The following CAMK1D variants were observed in gnomAD, a reference collection of about 807,000 sequenced individuals.
CAMK1D encodes calcium/calmodulin dependent protein kinase ID.
CAMK1D carries 9 observed loss-of-function variants against 47.7 expected under a neutral mutation model. The observed-to-expected ratio is 0.19, with a 90% CI of 0.11 to 0.33. The LOEUF (loss-of-function observed/expected upper bound fraction) is 0.33, where lower values mean the gene tolerates loss of function less well. CAMK1D is among the 10% of genes least tolerant of loss of function. CAMK1D has a pLI of 1.00. For synonymous variants in CAMK1D, 184 were observed against 184.9 expected, an observed-to-expected ratio of 0.99 and a Z score of 0.04; for missense variants, 291 against 488.7, an observed-to-expected ratio of 0.60 and a Z score of 3.81.
chr10:12,615,293 A>G (rs145846511), intron 2 of CAMK1D, among the ~76,000 whole-genome samples: 2 of 152,290 alleles, frequency 1.3e-5, no homozygotes, highest in East Asian at 1.9e-4. Flanking sequence ...CTCGATTAAG[A>G]TTTGTTGCAT....
chr10:12,792,393 G>C (rs1456088523), intron 6 of CAMK1D, among the ~76,000 whole-genome samples: 1 of 152,022 alleles, frequency 6.6e-6, no homozygotes, highest in East Asian at 1.9e-4. Context: ...ATACTTTTAG[G>C]GTAGGCTTAG....
At chr10:12,528,736 C>CTTTTTTTTT (rs34250007) in intron 1 of CAMK1D, among the ~76,000 whole-genome samples, 5 of 137,908 alleles carry the variant, frequency 3.6e-5, no homozygotes, top group Non-Finnish European at 6.2e-5. Context: ...AAATCCTCAT[C>CTTTTTTTTT]TTTTTTTTTT....
At chr10:12,756,136 A>C (rs570367475) in intron 3 of CAMK1D, among the ~76,000 whole-genome samples, 1 of 152,312 alleles carries the variant, frequency 6.6e-6, no homozygotes, top group South Asian at 2.1e-4. Context: ...ATATCATTTT[A>C]TTACATCTAG....
intron 2 of CAMK1D, among the ~76,000 whole-genome samples, chr10:12,620,356 G>A (rs79955991): frequency 0.056 from 8,510 of 152,278 alleles, 300 homozygotes; most frequent in Non-Finnish European, 0.075. Flanking sequence ...GTTTGGCACC[G>A]TGTAGCTGTG....
intron 3 of CAMK1D, among the ~76,000 whole-genome samples, chr10:12,675,637 TC>T (rs1210188141): frequency 6.6e-6 from 1 of 152,188 alleles, no homozygotes; most frequent in African/African-American, 2.4e-5. Flanking sequence ...ACATCTTTCT[TC>T]CCCCAGTCCT....
intron 2 of CAMK1D, among the ~76,000 whole-genome samples, chr10:12,571,878 A>G (rs932119708): frequency 6.6e-6 from 1 of 150,628 alleles, no homozygotes; most frequent in African/African-American, 2.4e-5. Context: ...AAGGAAAACA[A>G]CAGGTATTCC....
At chr10:12,372,748 C>T (rs1243470549) in intron 1 of CAMK1D, among the ~76,000 whole-genome samples, 1 of 150,690 alleles carries the variant, frequency 6.6e-6, no homozygotes, top group Non-Finnish European at 1.5e-5. Context: ...CACACCTCAG[C>T]CTCCCGAGTA....
chr10:12,605,833 G>A (rs763650358), intron 2 of CAMK1D, among the ~76,000 whole-genome samples: 1 of 152,168 alleles, frequency 6.6e-6, no homozygotes, highest in African/African-American at 2.4e-5. Flanking sequence ...GAGTTATTGA[G>A]AAACCAAAAG....
Position 12,655,717 on chromosome 10 carries a change from C to T in CAMK1D, c.225-11019C>T, listed in dbSNP as rs924257967. ...CCAGGCCTCAGCTGGACCTCTAGAG[C>T]CATTCTAGACAAGAGCAAATCACTT... On this transcript the variant is annotated intron_variant, in intron 2 of 10. Coordinates refer to ENST00000619168, the MANE Select transcript of CAMK1D (RefSeq NM_153498.4). 1.7e-4 allele frequency among the ~76,000 whole-genome samples: 26 copies of T among 152,328 alleles called. 1 individual carries two copies. The highest frequency in any genetic ancestry group is 8.3e-4 in the South Asian group (4 of 4,830).
At chr10:12,407,847 C>A (rs1453698881) in intron 1 of CAMK1D, among the ~76,000 whole-genome samples, 1 of 142,858 alleles carries the variant, frequency 7.0e-6, no homozygotes, top group Non-Finnish European at 1.5e-5. Context: ...GATTGGCTGA[C>A]TCTTTTTTTT....
intron 6 of CAMK1D, among the ~76,000 whole-genome samples, chr10:12,809,375 G>T (rs1832507933): frequency 6.6e-6 from 1 of 152,150 alleles, no homozygotes; most frequent in Non-Finnish European, 1.5e-5. Context: ...TAAAAATAGA[G>T]CTACCATATA....
intron 3 of CAMK1D, among the ~76,000 whole-genome samples, chr10:12,707,951 G>A (rs1472770200): frequency 6.6e-6 from 1 of 152,144 alleles, no homozygotes; most frequent in Non-Finnish European, 1.5e-5. Context: ...CTCAGTAAAT[G>A]GGATCCCCCC....
chr10:12,554,401 C>T (rs148138523), intron 2 of CAMK1D, among the ~76,000 whole-genome samples: 17,508 of 130,478 alleles, frequency 0.13, 5,066 homozygotes, highest in Non-Finnish European at 0.2. Context: ...GTGATCCGCC[C>T]GCCTTGGCCT....
chr10:12,769,553 T>G, intron 4 of CAMK1D, 120 bp from the exon 5 acceptor site: 1 of 1,093,546 alleles, frequency 9.1e-7, no homozygotes, highest in South Asian at 1.5e-5. Flanking sequence ...ATGCATCTAC[T>G]GTGTCCAAAG....
rs572743106 is a variant in CAMK1D at position 12,455,523 on chromosome 10, T to G, written c.93-97702T>G. 6.6e-5 allele frequency among the ~76,000 whole-genome samples: 10 copies of G among 152,344 alleles called. No homozygotes were observed. The East Asian group carries it at 1.9e-3, about 29-fold the overall frequency. On this transcript the variant is annotated intron_variant, in intron 1 of 10. Coordinates refer to ENST00000619168, the MANE Select transcript of CAMK1D (RefSeq NM_153498.4). ...TCACCTTAGATTAGTTTTGCCTGCT[T>G]TTAAATTCCATATAAATGGAATTGC...
chr10:12,443,637 T>A (rs902394356), intron 1 of CAMK1D, among the ~76,000 whole-genome samples: 1 of 152,062 alleles, frequency 6.6e-6, no homozygotes, highest in African/African-American at 2.4e-5. Context: ...TTTATTTTTT[T>A]TTTTATTTTT....
intron 1 of CAMK1D, among the ~76,000 whole-genome samples, chr10:12,391,525 A>T (rs11257764): frequency 0.39 from 58,190 of 148,356 alleles, 12,578 homozygotes; most frequent in East Asian, 0.58. Flanking sequence ...CGTTTTTTTT[A>T]AAAAAAATTC....
chr10:12,432,448 C>T (rs137909878), intron 1 of CAMK1D, among the ~76,000 whole-genome samples: 38 of 142,508 alleles, frequency 2.7e-4, no homozygotes, highest in African/African-American at 8.7e-4. Context: ...AGTGAGTACA[C>T]GAATAAATGA....
Position 12,755,533 on chromosome 10 carries a change from G to A in CAMK1D, c.300-5415G>A, listed in dbSNP as rs80124337. ...TATATACCCAGTAATGGGGTTGCTG[G>A]GTTAAATGGTATTTCTAGTTCTAGA... On this transcript the variant is annotated intron_variant, in intron 3 of 10. Transcript: ENST00000619168. Among the ~76,000 whole-genome samples the A allele has an allele frequency of 7.5e-3, 1,137 of 152,208 alleles. 18 individuals carry two copies. Among genetic ancestry groups the A allele is most frequent in the African/African-American group, 0.026 (1,081 of 41,500 alleles).
Sources: gnomAD v4.1 joint callset for allele counts (sites outside exome capture counted in the v4.1 genomes callset) on GRCh38, gnomAD v4.1.1 for gene constraint, MANE v1.5 for transcripts, NCBI Gene and HGNC (gene_info 2026-07-23, HGNC 2026-07-21) for gene names.